MTIF2: variants seen among roughly 807,000 people sequenced by gnomAD.
MTIF2 encodes the protein mitochondrial translational initiation factor 2, also known as translation initiation factor IF-2, mitochondrial.
Under a neutral mutation model 83.5 loss-of-function variants are expected in MTIF2, and 71 were observed. The ratio of observed to expected loss-of-function variants is 0.85; its 90% CI spans 0.70 to 1.04. The LOEUF (loss-of-function observed/expected upper bound fraction) is 1.04. Ranked by LOEUF, MTIF2 falls within the 50% of genes least tolerant of loss-of-function variation. The pLI, the probability that MTIF2 is intolerant of heterozygous loss-of-function variation, is 0.00. For missense variants in MTIF2, 957 were observed against 846.5 expected (o/e 1.13, Z -1.62); for synonymous variants, 319 against 287.1 (o/e 1.11, Z -1.12).
intron 9 of MTIF2, among the ~76,000 whole-genome samples, chr2:55,248,332 C>T (rs530522759): frequency 8.6e-5 from 13 of 151,846 alleles, no homozygotes; most frequent in African/African-American, 1.9e-4. Context: ...TATTAATGGA[C>T]GCATAATTTC....
At chr2:55,248,483 T>A (rs1192957762) in intron 9 of MTIF2, among the ~76,000 whole-genome samples, 4 of 152,126 alleles carry the variant, frequency 2.6e-5, no homozygotes, top group African/African-American at 9.7e-5. Flanking sequence ...AACTTTGTAA[T>A]ATAATAAGGA....
intron 14 of MTIF2, among the ~76,000 whole-genome samples, chr2:55,237,974 C>G (rs914001599): frequency 6.6e-6 from 1 of 151,842 alleles, no homozygotes; most frequent in Non-Finnish European, 1.5e-5. Context: ...CTTGTCTGCT[C>G]CATGAAAACC....
intron 4 of MTIF2, among the ~76,000 whole-genome samples, chr2:55,262,751 CAG>C (rs1404631572): frequency 6.6e-6 from 1 of 151,050 alleles, no homozygotes; most frequent in African/African-American, 2.4e-5. Context: ...TGTTTTGAGA[CAG>C]AGTCTAACTC....
intron 8 of MTIF2, among the ~76,000 whole-genome samples, chr2:55,250,676 C>T (rs1481705343): frequency 6.6e-6 from 1 of 152,216 alleles, no homozygotes; most frequent in African/African-American, 2.4e-5. Context: ...TATCACTAGA[C>T]ATATCCTCTC....
At chr2:55,248,727 G>C (rs966196862) in intron 9 of MTIF2, among the ~76,000 whole-genome samples, 1 of 152,104 alleles carries the variant, frequency 6.6e-6, no homozygotes, top group Non-Finnish European at 1.5e-5. Context: ...ATTTAATCTT[G>C]GTATTCATGA....
intron 4 of MTIF2, 112 bp from the exon 5 acceptor site, chr2:55,262,539 T>TCC: frequency 2.1e-6 from 1 of 479,458 alleles, no homozygotes. Flanking sequence ...TTCTTTTTTT[T>TCC]TCTTTTTTTT....
chr2:55,256,030 C>A (rs1167883637), intron 5 of MTIF2, among the ~76,000 whole-genome samples: 2 of 152,092 alleles, frequency 1.3e-5, no homozygotes, highest in African/African-American at 4.8e-5. Context: ...GTGCACGCCA[C>A]CATCCCTGGC....
chr2:55,266,434 G>C (rs1194513682), intron 3 of MTIF2: 1 of 151,316 alleles, frequency 6.6e-6, no homozygotes, highest in East Asian at 1.9e-4. Context: ...GCTGAGGCAG[G>C]AGAATTTCTT....
chr2:55,259,571 T>C (rs917700480), intron 5 of MTIF2, among the ~76,000 whole-genome samples: 3 of 151,866 alleles, frequency 2.0e-5, no homozygotes, highest in Non-Finnish European at 4.4e-5. Context: ...TAAAATAAAA[T>C]ATCTGTTGTC....
intron 5 of MTIF2, among the ~76,000 whole-genome samples, chr2:55,256,714 A>AAT (rs1553373711): frequency 1.3e-5 from 2 of 149,532 alleles, no homozygotes; most frequent in Non-Finnish European, 3.0e-5. Context: ...AAAAAAAAAA[A>AAT]TTTTTTTTGA....
intron 3 of MTIF2, among the ~76,000 whole-genome samples, chr2:55,265,901 T>C (rs976144112): frequency 6.6e-6 from 1 of 152,246 alleles, no homozygotes; most frequent in Non-Finnish European, 1.5e-5. Context: ...GTACACCTTT[T>C]TCCTTGTCAT....
chr2:55,263,740 G>C lies in MTIF2; in HGVS notation c.119C>G (p.Ala40Gly). The C allele has an allele frequency of 6.2e-7, 1 of 1,614,156 alleles. No individual in the cohort carries two copies. The highest frequency in any genetic ancestry group is 8.5e-7 in the Non-Finnish European group (1 of 1,180,026). Residue 40 changes from alanine to glycine, a missense_variant, in exon 4 of 16, where the codon GCT (alanine) becomes GGT (glycine). Physicochemically the swap from Ala to Gly is moderately conservative, Grantham distance 60 (BLOSUM62 0). This residue lies in a region of MTIF2 where 733 missense variants were observed against 648.7 expected (regional missense o/e 1.13). Transcript: ENST00000263629. ...CAGTTGAGCTGTCCACACAGGGTAAGCAGATGAAAACCCATGCCTCCACTG... is the reference window on the plus strand; with the variant it reads ...CAGTTGAGCTGTCCACACAGGGTAACCAGATGAAAACCCATGCCTCCACTG... ...LRQWRHGFSS[A>G]YPVWTAQLCA...
At chr2:55,254,883 C>T in intron 5 of MTIF2, 58 bp from the exon 6 acceptor site, 2 of 1,086,518 alleles carry the variant, frequency 1.8e-6, no homozygotes, top group East Asian at 2.9e-5. Context: ...AAGAAGTAAT[C>T]TCTATTAATA....
At chr2:55,240,345 C>A (rs1676210085) in intron 13 of MTIF2, among the ~76,000 whole-genome samples, 170 bp from the exon 14 acceptor site, 1 of 152,208 alleles carries the variant, frequency 6.6e-6, no homozygotes, top group African/African-American at 2.4e-5. Context: ...CTTTGGGAAG[C>A]TGAGGCAGGT....
chr2:55,242,811 C>T, intron 13 of MTIF2, 129 bp downstream of exon 13: 2 of 898,120 alleles, frequency 2.2e-6, no homozygotes, highest in Non-Finnish European at 3.4e-6. Context: ...TGGGACTGGA[C>T]TATAGCAGGA....
chr2:55,244,611 A>G (rs1367342887), intron 10 of MTIF2, among the ~76,000 whole-genome samples: 2 of 152,218 alleles, frequency 1.3e-5, no homozygotes, highest in Non-Finnish European at 2.9e-5. Flanking sequence ...AATATTATAC[A>G]GTCTTTAAAA....
chr2:55,250,879 G>A (rs989907497), intron 8 of MTIF2, among the ~76,000 whole-genome samples: 3 of 152,128 alleles, frequency 2.0e-5, no homozygotes. Context: ...ACTTTGGGAG[G>A]TGGGTGGATC....
At chr2:55,263,337 A>T (rs1002733900) in intron 4 of MTIF2, among the ~76,000 whole-genome samples, 27 of 152,358 alleles carry the variant, frequency 1.8e-4, no homozygotes, top group African/African-American at 6.0e-4. Flanking sequence ...TTGGAGTAAT[A>T]CTTTATTGCA....
At chr2:55,241,166 CCAGCA>C (rs1472051073) in intron 13 of MTIF2, among the ~76,000 whole-genome samples, 1 of 150,082 alleles carries the variant, frequency 6.7e-6, no homozygotes, top group Non-Finnish European at 1.5e-5. Flanking sequence ...GCCTGTAATC[CCAGCA>C]CTTTGGGAGG....
Sources: allele counts gnomAD v4.1 joint callset (sites outside exome capture counted in the v4.1 genomes callset), GRCh38; gene constraint gnomAD v4.1.1; regional missense constraint gnomAD v4.1.1; transcripts MANE v1.5; gene names NCBI Gene and HGNC (gene_info 2026-07-23, HGNC 2026-07-21).